CNTNAP2: variants seen among roughly 807,000 people sequenced by gnomAD.
CNTNAP2 encodes contactin-associated protein-like 2.
In CNTNAP2, 98 loss-of-function variants were observed where a neutral mutation model predicts 155.2. The observed-to-expected ratio is 0.63, with a 90% confidence interval of 0.54 to 0.75. The LOEUF (loss-of-function observed/expected upper bound fraction) is 0.75. Ranked by LOEUF, CNTNAP2 falls within the 30% of genes least tolerant of loss-of-function variation. The pLI is 0.00. For missense variants in CNTNAP2, 1,727 were observed against 1,688.1 expected (o/e 1.02, Z -0.40); for synonymous variants, 651 against 631.2 (o/e 1.03, Z -0.47).
chr7:147,238,297 G>A (rs1420164460), intron 8 of CNTNAP2, among the ~76,000 whole-genome samples: 1 of 152,142 alleles, frequency 6.6e-6, no homozygotes, highest in Non-Finnish European at 1.5e-5. Context: ...TTACAGGCGT[G>A]AGCCACCGTG....
intron 8 of CNTNAP2, among the ~76,000 whole-genome samples, chr7:147,148,259 G>A (rs1345738672): frequency 2.0e-5 from 3 of 150,658 alleles, no homozygotes; most frequent in African/African-American, 4.9e-5. Context: ...GCGTAGTGGC[G>A]GGCGCCTGTA....
At chr7:146,330,563 G>A (rs1435820516) in intron 1 of CNTNAP2, among the ~76,000 whole-genome samples, 1 of 152,126 alleles carries the variant, frequency 6.6e-6, no homozygotes, top group African/African-American at 2.4e-5. Context: ...GACATGGAGG[G>A]TTTTATTTTA....
In CNTNAP2 at chr7:147,808,726, C is replaced by G. The variant is rs568912823; in HGVS notation, c.2099-94839C>G. ...TTCTAATGTGAAATTCCTTCTCATC[C>G]TTTAAAACCCAGTTAAATCTGACTT... On this transcript the variant is annotated intron_variant, in intron 13 of 23. Transcript: ENST00000361727. Among the ~76,000 whole-genome samples the G allele has an allele frequency of 1.2e-4, 18 of 152,300 alleles. No individual in the cohort carries two copies. The South Asian group carries it at 3.7e-3, about 32-fold the overall frequency.
chr7:147,534,563 G>T (rs527753727), intron 11 of CNTNAP2, among the ~76,000 whole-genome samples: 2 of 152,092 alleles, frequency 1.3e-5, no homozygotes, highest in Non-Finnish European at 2.9e-5. Flanking sequence ...ACCTTGGACG[G>T]TTCCCAAGAA....
chr7:147,193,007 G>A (rs934684740), intron 8 of CNTNAP2, among the ~76,000 whole-genome samples: 1 of 152,074 alleles, frequency 6.6e-6, no homozygotes, highest in Non-Finnish European at 1.5e-5. Flanking sequence ...GGAAAAAAAC[G>A]CCTTGCAAAG....
intron 10 of CNTNAP2, among the ~76,000 whole-genome samples, chr7:147,459,513 G>T (rs1027844753): frequency 6.6e-6 from 1 of 152,128 alleles, no homozygotes; most frequent in African/African-American, 2.4e-5. Context: ...AAATGTGGGT[G>T]AGCTCAATAT....
rs563813910 is a variant in CNTNAP2, at chr7:146,816,309, G to T, written c.209-23402G>T. Among the ~76,000 whole-genome samples, 6 of 152,216 alleles carry T rather than the reference G, an allele frequency of 3.9e-5. No individual in the cohort carries two copies. The East Asian group carries it at 9.7e-4, about 25-fold the overall frequency. The stretch of plus-strand genomic sequence containing the variant: ...TGAGGATAGTGTGCCTGGGATGAAG[G>T]GAAAGGTAGAGAGGAGGCAGAGAAG... On this transcript the variant is annotated intron_variant, in intron 2 of 23. Transcript: ENST00000361727.
chr7:147,884,866 G>A (rs987918898), intron 13 of CNTNAP2, among the ~76,000 whole-genome samples: 1 of 151,978 alleles, frequency 6.6e-6, no homozygotes, highest in African/African-American at 2.4e-5. Flanking sequence ...ACCGGGTAAT[G>A]GATGAATAAT....
intron 13 of CNTNAP2, among the ~76,000 whole-genome samples, chr7:147,871,339 A>T (rs1377228826): frequency 6.6e-6 from 1 of 152,080 alleles, no homozygotes; most frequent in Non-Finnish European, 1.5e-5. Flanking sequence ...TGAAGGCCAC[A>T]TTCCTTCTCC....
chr7:146,977,644 C>A (rs1323808752), intron 3 of CNTNAP2, among the ~76,000 whole-genome samples: 1 of 152,144 alleles, frequency 6.6e-6, no homozygotes, highest in Non-Finnish European at 1.5e-5. Flanking sequence ...TTTTAATAAA[C>A]TCTTAAATAA....
chr7:146,192,392 C>A (rs1413324824), intron 1 of CNTNAP2, among the ~76,000 whole-genome samples: 1 of 152,060 alleles, frequency 6.6e-6, no homozygotes, highest in Non-Finnish European at 1.5e-5. Flanking sequence ...TAAAGATGTA[C>A]CCAAGATTGG....
At chr7:148,396,287 G>GTGTGTCTT (rs1282694680) in intron 22 of CNTNAP2, among the ~76,000 whole-genome samples, 2 of 152,112 alleles carry the variant, frequency 1.3e-5, no homozygotes, top group African/African-American at 2.4e-5. Context: ...CCCTTGACTT[G>GTGTGTCTT]TGTGTCTTTC....
At chr7:146,133,546 G>C (rs531237814) in intron 1 of CNTNAP2, among the ~76,000 whole-genome samples, 232 of 152,196 alleles carry the variant, frequency 1.5e-3, no homozygotes, top group Middle Eastern at 0.01. Context: ...TATGGTTTTA[G>C]GTCTAATGTT....
chr7:146,597,095 G>A (rs1356239134), intron 1 of CNTNAP2, among the ~76,000 whole-genome samples: 2 of 152,010 alleles, frequency 1.3e-5, no homozygotes, highest in Non-Finnish European at 2.9e-5. Flanking sequence ...ATTGCAGCAC[G>A]GGAGAGCACT....
At chr7:147,069,058 G>A (rs1471436212) in intron 4 of CNTNAP2, among the ~76,000 whole-genome samples, 3 of 152,148 alleles carry the variant, frequency 2.0e-5, no homozygotes, top group Non-Finnish European at 4.4e-5. Flanking sequence ...GAGAGAGGAA[G>A]TGCCAGGCCA....
intron 16 of CNTNAP2, among the ~76,000 whole-genome samples, chr7:148,140,515 C>A (rs1161436895): frequency 6.6e-6 from 1 of 151,912 alleles, no homozygotes; most frequent in African/African-American, 2.4e-5. Context: ...CCTCCACCTC[C>A]CAGGTTCATG....
chr7:147,306,168 T>C (rs1364601447), intron 9 of CNTNAP2, among the ~76,000 whole-genome samples: 1 of 152,166 alleles, frequency 6.6e-6, no homozygotes, highest in Non-Finnish European at 1.5e-5. Context: ...ATTTAGCACA[T>C]AGTAAGGTAT....
rs139425156 is a variant in CNTNAP2, at chr7:146,347,071, T to G, written c.97+230098T>G. ...TGTTCCTATAGTTCGTAAGCAGCCG[T>G]AGTTTGGAGTGCTTTGGCATGTATC... On this transcript the variant is annotated intron_variant, in intron 1 of 23. Transcript: ENST00000361727. 6.4e-3 allele frequency among the ~76,000 whole-genome samples: 940 copies of G among 147,460 alleles called. 7 individuals are homozygous for G. Among genetic ancestry groups the G allele is most frequent in the South Asian group, 0.018 (84 of 4,672 alleles).
intron 1 of CNTNAP2, among the ~76,000 whole-genome samples, chr7:146,335,865 A>C (rs181222432): frequency 6.6e-6 from 1 of 152,134 alleles, no homozygotes; most frequent in Non-Finnish European, 1.5e-5. Context: ...CTATTCCTTA[A>C]AACAAGGAAC....
Sources: allele counts gnomAD v4.1 joint callset (sites outside exome capture counted in the v4.1 genomes callset), GRCh38; gene constraint gnomAD v4.1.1; transcripts MANE v1.5; gene names NCBI Gene and HGNC (gene_info 2026-07-23, HGNC 2026-07-21).